Variants in ZNF280D observed in about 807,000 individuals in gnomAD.
ZNF280D encodes zinc finger protein 280D, also known as suppressor of hairy wing homolog 4.
Under a neutral mutation model 94.7 loss-of-function variants are expected in ZNF280D, and 39 were observed. The observed-to-expected ratio is 0.41, with a 90% confidence interval of 0.32 to 0.54. The LOEUF is 0.54. Ranked by LOEUF, ZNF280D falls within the 20% of genes least tolerant of loss-of-function variation. ZNF280D has a pLI of 0.22. For synonymous variants in ZNF280D, 398 were observed against 377.6 expected (o/e 1.05, Z -0.63); for missense variants, 1,090 against 1,149.3 (o/e 0.95, Z 0.75).
At chr15:56,681,065 A>G (rs1566974526) in intron 10 of ZNF280D, among the ~76,000 whole-genome samples, 1 of 152,188 alleles carries the variant, frequency 6.6e-6, no homozygotes, top group African/African-American at 2.4e-5. Flanking sequence ...GTTTGATAAG[A>G]GGAGGTAAAG....
chr15:56,646,256 T>C (rs2052886348), intron 19 of ZNF280D, among the ~76,000 whole-genome samples: 1 of 151,930 alleles, frequency 6.6e-6, no homozygotes, highest in African/African-American at 2.4e-5. Context: ...AGACCTCATC[T>C]CTACAAAAAA....
chr15:56,703,654 G>A (rs1196811051), intron 4 of ZNF280D, among the ~76,000 whole-genome samples: 1 of 152,042 alleles, frequency 6.6e-6, no homozygotes, highest in Non-Finnish European at 1.5e-5. Flanking sequence ...AGGAGTTCGA[G>A]AGCAGCCTGG....
chr15:56,664,004 C>T (rs1261167142), intron 16 of ZNF280D, among the ~76,000 whole-genome samples: 1 of 152,166 alleles, frequency 6.6e-6, no homozygotes, highest in African/African-American at 2.4e-5. Flanking sequence ...ATCACATGTA[C>T]TCCACAAATA....
At chr15:56,652,659 T>C in intron 19 of ZNF280D, 1 of 985,352 alleles carries the variant, frequency 1.0e-6, no homozygotes, top group Non-Finnish European at 1.2e-6. Context: ...CCAAAGGAGC[T>C]ACATTAATGG....
At chr15:56,716,874 A>G (rs2058078879) in intron 1 of ZNF280D, among the ~76,000 whole-genome samples, 1 of 152,206 alleles carries the variant, frequency 6.6e-6, no homozygotes, top group Non-Finnish European at 1.5e-5. Context: ...AACTACAGGC[A>G]TAATTCACAC....
intron 1 of ZNF280D, among the ~76,000 whole-genome samples, chr15:56,720,661 GA>G (rs1435526297): frequency 6.6e-6 from 1 of 152,140 alleles, no homozygotes; most frequent in Non-Finnish European, 1.5e-5. Flanking sequence ...GACTTGAACT[GA>G]AAGTTGAAAT....
At chr15:56,693,076 T>C (rs375215278) in intron 7 of ZNF280D, 22 bp downstream of exon 7, 70 of 1,431,492 alleles carry the variant, frequency 4.9e-5, no homozygotes, top group Middle Eastern at 1.8e-4. Flanking sequence ...ATAACCTTTA[T>C]GAAAAAAATA....
chr15:56,648,959 T>G (rs1161466656), intron 19 of ZNF280D, among the ~76,000 whole-genome samples: 1 of 152,126 alleles, frequency 6.6e-6, no homozygotes, highest in African/African-American at 2.4e-5. Flanking sequence ...CTGCTAATCT[T>G]AGAACACCAG....
At chr15:56,733,179 G>A (rs2058983677) in intron 1 of ZNF280D, among the ~76,000 whole-genome samples, 1 of 152,224 alleles carries the variant, frequency 6.6e-6, no homozygotes, top group South Asian at 2.1e-4. Flanking sequence ...AGGTGGCGGA[G>A]GAGCAGAAGG....
intron 16 of ZNF280D, among the ~76,000 whole-genome samples, chr15:56,665,449 G>A (rs2054219695): frequency 6.6e-6 from 1 of 152,070 alleles, no homozygotes; most frequent in African/African-American, 2.4e-5. Context: ...CTAACATAGT[G>A]TAAATAGTAA....
Position 56,635,236 on chromosome 15 carries a change from A to C in ZNF280D, c.2274T>G (p.Pro758=). The change falls in exon 21 of 22, where the codon CCT becomes CCG. Residue 758 remains proline, a synonymous_variant. Transcript: ENST00000267807. ...TTTCTGTTTCTCTTTCAGCCATGTT[A>C]GGTCTTGCAATTTCCTGAAATAATT... ...QEPVSKEIAR[P]NMAERETETS... is the part of the protein sequence containing the mutation. 6.5e-7 allele frequency: 1 copy of C among 1,535,214 alleles called. No individual in the cohort carries two copies. Among genetic ancestry groups the C allele is most frequent in the Non-Finnish European group, 8.7e-7 (1 of 1,144,000 alleles).
At chr15:56,668,661 A>C (rs1350157399) in intron 14 of ZNF280D, among the ~76,000 whole-genome samples, 162 bp downstream of exon 14, 2 of 152,130 alleles carry the variant, frequency 1.3e-5, no homozygotes, top group Non-Finnish European at 2.9e-5. Context: ...AACTCAAAAC[A>C]ATGGTTAGAA....
rs1392489400 is a variant in ZNF280D, at chr15:56,701,942, T to C, written c.176-704A>G. Among the ~76,000 whole-genome samples the C allele has an allele frequency of 3.4e-5, 5 of 149,214 alleles. No homozygotes were observed. The East Asian group carries it at 1.0e-3, about 30-fold the overall frequency. ...CATTCTTGCATGCATGTAAACTCTG[T>C]AACTTCTAGCTTATCAAATTATAGT... On this transcript the variant is annotated intron_variant, in intron 4 of 21. Coordinates refer to ENST00000267807, the MANE Select transcript of ZNF280D (RefSeq NM_017661.4).
At chr15:56,724,970 G>A (rs1231547201) in intron 1 of ZNF280D, 3 of 411,796 alleles carry the variant, frequency 7.3e-6, no homozygotes, top group African/African-American at 2.1e-5. Flanking sequence ...CTGTATAGCT[G>A]AGAGTCAGAT....
chr15:56,690,480 T>C (rs944745781), intron 7 of ZNF280D, among the ~76,000 whole-genome samples: 3 of 152,244 alleles, frequency 2.0e-5, no homozygotes, highest in Non-Finnish European at 2.9e-5. Context: ...TCACACTATG[T>C]TCCCCAGAAA....
intron 20 of ZNF280D, among the ~76,000 whole-genome samples, chr15:56,642,714 A>G (rs1387921975): frequency 6.6e-6 from 1 of 151,790 alleles, no homozygotes; most frequent in Non-Finnish European, 1.5e-5. Context: ...GTTGAACTAA[A>G]TAACAGGCAA....
intron 13 of ZNF280D, among the ~76,000 whole-genome samples, chr15:56,670,363 C>A (rs756861576): frequency 8.6e-5 from 13 of 151,640 alleles, no homozygotes; most frequent in Admixed American, 2.6e-4. Context: ...TGCCCTCTGG[C>A]AGGCCTAAGT....
intron 1 of ZNF280D, among the ~76,000 whole-genome samples, chr15:56,719,651 C>T (rs2141382824): frequency 6.6e-6 from 1 of 152,238 alleles, no homozygotes; most frequent in African/African-American, 2.4e-5. Context: ...CTGAAAACTA[C>T]TATCTAGATA....
intron 1 of ZNF280D, among the ~76,000 whole-genome samples, chr15:56,727,376 T>C (rs1476580220): frequency 2.0e-5 from 3 of 152,150 alleles, no homozygotes; most frequent in Non-Finnish European, 2.9e-5. Flanking sequence ...GGAGAATCAC[T>C]TGAACCCGGG....
Sources: allele counts gnomAD v4.1 joint callset (sites outside exome capture counted in the v4.1 genomes callset), GRCh38; gene constraint gnomAD v4.1.1; transcripts MANE v1.5; gene names NCBI Gene and HGNC (gene_info 2026-07-23, HGNC 2026-07-21).